Variants in UNC5B observed in about 807,000 individuals in gnomAD.
UNC5B encodes netrin receptor UNC5B.
A neutral mutation model predicts 103.7 loss-of-function variants in UNC5B; 56 were observed. That is an observed-to-expected ratio of 0.54 (90% confidence interval 0.44 to 0.67). UNC5B has a LOEUF of 0.67. Ranked by LOEUF, UNC5B falls within the 30% of genes least tolerant of loss-of-function variation. UNC5B has a pLI of 0.00. For synonymous variants in UNC5B, 577 were observed against 542.0 expected, an observed-to-expected ratio of 1.06 and a Z score of -0.90; for missense variants, 1,194 against 1,284.5, an observed-to-expected ratio of 0.93 and a Z score of 1.08.
intron 1 of UNC5B, among the ~76,000 whole-genome samples, chr10:71,261,994 C>T (rs1347818189): frequency 5.6e-5 from 4 of 70,834 alleles, no homozygotes; most frequent in African/African-American, 1.7e-4. Flanking sequence ...GGAATTTGGA[C>T]GGGGGTGGGA....
chr10:71,254,479 T>C (rs1328279827), intron 1 of UNC5B, among the ~76,000 whole-genome samples: 1 of 152,218 alleles, frequency 6.6e-6, no homozygotes, highest in Non-Finnish European at 1.5e-5. Context: ...CACGACAGTG[T>C]GGGCCTGGCT....
chr10:71,285,500 A>G, intron 4 of UNC5B, 71 bp downstream of exon 4: 1 of 1,330,654 alleles, frequency 7.5e-7, no homozygotes, highest in South Asian at 1.4e-5. Context: ...CAGGCATGGT[A>G]TTTACCACCA....
intron 1 of UNC5B, among the ~76,000 whole-genome samples, chr10:71,242,046 C>A (rs1262092903): frequency 6.6e-6 from 1 of 152,168 alleles, no homozygotes; most frequent in East Asian, 1.9e-4. Context: ...AGAGGCCCAG[C>A]TTGCTGGTCG....
chr10:71,229,744 G>T (rs1843645787), intron 1 of UNC5B, among the ~76,000 whole-genome samples: 1 of 152,200 alleles, frequency 6.6e-6, no homozygotes, highest in South Asian at 2.1e-4. Context: ...CTGGGGCAGG[G>T]CGTGTAGTTC....
At chr10:71,264,994 G>C (rs1378924089) in intron 1 of UNC5B, among the ~76,000 whole-genome samples, 1 of 145,330 alleles carries the variant, frequency 6.9e-6, no homozygotes, top group East Asian at 2.0e-4. Context: ...AAAAAAAAGA[G>C]TATGGGCTTA....
intron 1 of UNC5B, among the ~76,000 whole-genome samples, chr10:71,240,659 C>T (rs1484036998): frequency 1.3e-5 from 2 of 152,246 alleles, no homozygotes; most frequent in African/African-American, 2.4e-5. Context: ...AGCTGCCCGC[C>T]GCCTGCTCCT....
chr10:71,218,965 GT>G (rs1392022471), intron 1 of UNC5B, among the ~76,000 whole-genome samples: 2 of 152,130 alleles, frequency 1.3e-5, no homozygotes, highest in Admixed American at 1.3e-4. Flanking sequence ...GGACTCCACT[GT>G]CGTTACAACT....
chr10:71,261,011 A>G (rs1538894), intron 1 of UNC5B, among the ~76,000 whole-genome samples: 127,677 of 152,246 alleles, frequency 0.84, 53,896 homozygotes, highest in Middle Eastern at 0.94. Flanking sequence ...CGGCTGGTTC[A>G]CTATTAGGGG....
In UNC5B at chr10:71,285,309, C is replaced by CCG. The variant is rs1845044016; in HGVS notation, c.449-16_449-15insGC. ...TGCCCGCACCTGACTGCCTTGGGAC[C>CCG]CTCTCGCTTCTCCCAGACCTGCGCA... On this transcript the variant is annotated splice_polypyrimidine_tract_variant and intron_variant, in intron 3 of 16. Transcript: ENST00000335350. The CCG allele has an allele frequency of 6.3e-7, 1 of 1,598,782 alleles. No individual in the cohort carries two copies. The highest frequency in any genetic ancestry group is 8.5e-7 in the Non-Finnish European group (1 of 1,173,090).
chr10:71,296,002 G>A, intron 14 of UNC5B, 42 bp downstream of exon 14: 2 of 1,611,036 alleles, frequency 1.2e-6, no homozygotes, highest in Non-Finnish European at 1.7e-6. Context: ...ACCACTTAAG[G>A]GCTGCCCGGG....
intron 4 of UNC5B, among the ~76,000 whole-genome samples, chr10:71,285,905 AG>A (rs1845066914): frequency 6.6e-6 from 1 of 152,188 alleles, no homozygotes; most frequent in South Asian, 2.1e-4. Context: ...CTGGTGGTCC[AG>A]GGATTAGAGC....
intron 1 of UNC5B, among the ~76,000 whole-genome samples, chr10:71,240,665 C>T (rs1307920483): frequency 2.0e-5 from 3 of 152,234 alleles, no homozygotes; most frequent in Admixed American, 6.5e-5. Context: ...CCGCCGCCTG[C>T]TCCTCCTCCC....
intron 2 of UNC5B, among the ~76,000 whole-genome samples, chr10:71,280,283 C>T (rs1295513817): frequency 2.0e-5 from 3 of 152,190 alleles, no homozygotes; most frequent in Non-Finnish European, 4.4e-5. Flanking sequence ...TGTTAGGGAG[C>T]AAGTTCCCGT....
At chr10:71,288,475 CATGT>C (rs1845151522) in intron 6 of UNC5B, 89 bp from the exon 7 acceptor site, 3 of 1,507,826 alleles carry the variant, frequency 2.0e-6, no homozygotes, top group Admixed American at 4.1e-5. Flanking sequence ...TGTATGCATG[CATGT>C]GTGTTGGCAC....
chr10:71,289,067 G>A (rs542842051), intron 8 of UNC5B, 77 bp downstream of exon 8: 3 of 1,606,116 alleles, frequency 1.9e-6, no homozygotes, highest in East Asian at 4.5e-5. Context: ...CCCGGGATCA[G>A]GGTGCAGGGC....
Position 71,299,344 on chromosome 10 carries a change from C to T in UNC5B, c.*67C>T, listed in dbSNP as rs932955122. The T allele has an allele frequency of 1.9e-6, 3 of 1,583,626 alleles. No homozygotes were observed. Among genetic ancestry groups the T allele is most frequent in the South Asian group, 2.3e-5 (2 of 87,660 alleles). ...GGTGCAGGGAGGCCTGGGGCAGCCTCCTGATGGGGATGTTTGGCCTCTGCT... is the reference window on the plus strand; with the variant it reads ...GGTGCAGGGAGGCCTGGGGCAGCCTTCTGATGGGGATGTTTGGCCTCTGCT... On this transcript the variant is annotated 3_prime_UTR_variant, in exon 17 of 17. Coordinates refer to ENST00000335350, the MANE Select transcript of UNC5B (RefSeq NM_170744.5).
At chr10:71,250,947 A>C (rs1212235129) in intron 1 of UNC5B, among the ~76,000 whole-genome samples, 1 of 152,232 alleles carries the variant, frequency 6.6e-6, no homozygotes, top group Non-Finnish European at 1.5e-5. Flanking sequence ...AGGGATGGCA[A>C]GTAGGTCTCC....
At chr10:71,297,063 T>C (rs1232869601) in intron 15 of UNC5B, among the ~76,000 whole-genome samples, 1 of 144,020 alleles carries the variant, frequency 6.9e-6, no homozygotes, top group Non-Finnish European at 1.6e-5. Context: ...CCGCCAGATA[T>C]TCCAGCTGCA....
rs1042061435 is a variant in UNC5B, at chr10:71,271,764, C to G, written c.80-8057C>G. ...CGTTTCACAGGAGCAGATGGACACCCCCTTCAGGATGCAGGCCCCTGCCCC... is the reference window on the plus strand; with the variant it reads ...CGTTTCACAGGAGCAGATGGACACCGCCTTCAGGATGCAGGCCCCTGCCCC... On this transcript the variant is annotated intron_variant, in intron 1 of 16. Transcript: ENST00000335350. Among the ~76,000 whole-genome samples, 4 of 152,240 alleles carry G rather than the reference C, an allele frequency of 2.6e-5. No individual in the cohort carries two copies. The East Asian group carries it at 7.7e-4, about 29-fold the overall frequency.
Sources: allele counts gnomAD v4.1 joint callset (sites outside exome capture counted in the v4.1 genomes callset), GRCh38; gene constraint gnomAD v4.1.1; transcripts MANE v1.5; gene names NCBI Gene and HGNC (gene_info 2026-07-23, HGNC 2026-07-21).